NKAIN2: variants seen among roughly 807,000 people sequenced by gnomAD.
NKAIN2 encodes the protein sodium/potassium transporting ATPase interacting 2.
Under a neutral mutation model 32.6 loss-of-function variants are expected in NKAIN2, and 14 were observed. That is an observed-to-expected ratio of 0.43 (90% CI 0.28 to 0.67). The LOEUF (loss-of-function observed/expected upper bound fraction) is 0.67. Among genes scored for constraint, NKAIN2 ranks in the 30% least tolerant of loss-of-function variants. NKAIN2 has a pLI of 0.17. For missense variants in NKAIN2, 198 were observed against 258.3 expected (o/e 0.77, Z 1.60); for synonymous variants, 80 against 87.2 (o/e 0.92, Z 0.46).
At chr6:124,578,303 T>G (rs1194759398) in intron 3 of NKAIN2, among the ~76,000 whole-genome samples, 2 of 151,758 alleles carry the variant, frequency 1.3e-5, no homozygotes, top group Admixed American at 6.6e-5. Flanking sequence ...GGAAAGAATT[T>G]CTGGACCTGC....
chr6:124,216,758 T>C (rs1163989443), intron 1 of NKAIN2, among the ~76,000 whole-genome samples: 1 of 152,166 alleles, frequency 6.6e-6, no homozygotes, highest in Non-Finnish European at 1.5e-5. Flanking sequence ...CTATATTAAA[T>C]AAGGAGTTTT....
intron 3 of NKAIN2, among the ~76,000 whole-genome samples, chr6:124,424,334 C>T (rs915850049): frequency 1.3e-5 from 2 of 152,108 alleles, no homozygotes; most frequent in Admixed American, 6.5e-5. Flanking sequence ...ATGAACTGAT[C>T]ACTCCAATAA....
intron 3 of NKAIN2, among the ~76,000 whole-genome samples, chr6:124,565,260 A>G (rs1325834745): frequency 6.6e-6 from 1 of 152,056 alleles, no homozygotes; most frequent in East Asian, 1.9e-4. Context: ...TAACCTCCCC[A>G]AAGAGATTGG....
chr6:123,887,196 A>C (rs1773762883), intron 1 of NKAIN2, among the ~76,000 whole-genome samples: 1 of 151,836 alleles, frequency 6.6e-6, no homozygotes, highest in Non-Finnish European at 1.5e-5. Context: ...TAGAAGAAGA[A>C]TTGACAGTTC....
intron 3 of NKAIN2, among the ~76,000 whole-genome samples, chr6:124,400,332 T>C (rs1308721218): frequency 1.3e-5 from 2 of 152,138 alleles, no homozygotes. Flanking sequence ...GTGTCAGCAC[T>C]TCAGTGCTCA....
intron 3 of NKAIN2, among the ~76,000 whole-genome samples, chr6:124,476,063 AGAGTGT>A (rs201272660): frequency 0.16 from 17,806 of 114,628 alleles, 1,010 homozygotes; most frequent in East Asian, 0.23. Context: ...AGAGAGAGAG[AGAGTGT>A]GTGTGTGTGT....
intron 1 of NKAIN2, among the ~76,000 whole-genome samples, chr6:124,142,394 T>A (rs1368150382): frequency 6.6e-6 from 1 of 152,226 alleles, no homozygotes; most frequent in African/African-American, 2.4e-5. Context: ...TCAAGTTCTT[T>A]TATTATAATT....
chr6:124,583,205 A>T (rs1473211772), intron 3 of NKAIN2, among the ~76,000 whole-genome samples: 2 of 142,554 alleles, frequency 1.4e-5, no homozygotes, highest in East Asian at 4.2e-4. Context: ...TGATCTTATA[A>T]TTGGTAAAAC....
chr6:124,805,340 C>A (rs1369965257), intron 5 of NKAIN2, among the ~76,000 whole-genome samples: 4 of 152,292 alleles, frequency 2.6e-5, no homozygotes, highest in African/African-American at 7.2e-5. Context: ...TCACAAAAAA[C>A]CACTGTTCTG....
At chr6:124,567,805 A>AT (rs1242063857) in intron 3 of NKAIN2, among the ~76,000 whole-genome samples, 1 of 152,042 alleles carries the variant, frequency 6.6e-6, no homozygotes, top group Admixed American at 6.5e-5. Flanking sequence ...CTTTTTTTTA[A>AT]TTTTTAACAA....
chr6:124,468,165 A>ATAT (rs1436650127), intron 3 of NKAIN2, among the ~76,000 whole-genome samples: 1 of 152,128 alleles, frequency 6.6e-6, no homozygotes, highest in African/African-American at 2.4e-5. Context: ...ACATCTTCCA[A>ATAT]TATTGATAAA....
At chr6:124,337,602 C>T (rs1368767275) in intron 2 of NKAIN2, among the ~76,000 whole-genome samples, 1 of 152,168 alleles carries the variant, frequency 6.6e-6, no homozygotes, top group Non-Finnish European at 1.5e-5. Flanking sequence ...ATCACTGCCT[C>T]CTTGATTTGT....
chr6:124,424,439 A>G (rs1030577331), intron 3 of NKAIN2, among the ~76,000 whole-genome samples: 3 of 135,240 alleles, frequency 2.2e-5, no homozygotes, highest in Admixed American at 7.7e-5. Flanking sequence ...CCATCTTAGC[A>G]AGTTTCAAAC....
At position 124,815,214 on chromosome 6, in the gene NKAIN2, C is replaced by CTATATATA. The variant is rs1200227151; in HGVS notation, c.536-3170_536-3163dup. On this transcript the variant is annotated intron_variant, in intron 5 of 6. Transcript: ENST00000368417. ...TCTGCAAAAAATCCCCAGTCTTAAA[C>CTATATATA]TATATATATACATATATATATATAT... is the stretch of plus-strand genomic sequence containing the variant. Among the ~76,000 whole-genome samples the CTATATATA allele has an allele frequency of 5.1e-4, 35 of 68,786 alleles. 1 individual carries two copies. Among genetic ancestry groups the CTATATATA allele is most frequent in the Non-Finnish European group, 9.4e-4 (29 of 30,838 alleles). 45.1% of individuals were successfully genotyped at this position (68,786 alleles called of 152,430 possible). A position where few individuals can be genotyped will look rare whatever the true frequency, so the allele number is the denominator to read the frequency against.
At chr6:123,922,014 G>A (rs1313295644) in intron 1 of NKAIN2, among the ~76,000 whole-genome samples, 1 of 151,932 alleles carries the variant, frequency 6.6e-6, no homozygotes, top group Non-Finnish European at 1.5e-5. Flanking sequence ...GTATGACTAC[G>A]ATGCTGTGCC....
chr6:124,772,310 G>C (rs868151282), intron 4 of NKAIN2, among the ~76,000 whole-genome samples: 10 of 152,138 alleles, frequency 6.6e-5, no homozygotes, highest in African/African-American at 2.4e-4. Flanking sequence ...TGAGATTCAG[G>C]ATAATCCAAT....
intron 1 of NKAIN2, among the ~76,000 whole-genome samples, chr6:124,137,697 G>T (rs968058105): frequency 6.6e-6 from 1 of 151,994 alleles, no homozygotes. Flanking sequence ...AGAAAACACA[G>T]AAATAAATCC....
chr6:124,438,073 G>A (rs187099235), intron 3 of NKAIN2, among the ~76,000 whole-genome samples: 1 of 152,124 alleles, frequency 6.6e-6, no homozygotes, highest in African/African-American at 2.4e-5. Flanking sequence ...TGATTATCCA[G>A]TGAGTGAAAA....
chr6:123,945,010 AG>A (rs1442958468), intron 1 of NKAIN2, among the ~76,000 whole-genome samples: 1 of 152,120 alleles, frequency 6.6e-6, no homozygotes, highest in Non-Finnish European at 1.5e-5. Flanking sequence ...TTGCAGATAT[AG>A]GAATATTTTA....
Sources: gnomAD v4.1 joint callset for allele counts (sites outside exome capture counted in the v4.1 genomes callset) on GRCh38, gnomAD v4.1.1 for gene constraint, MANE v1.5 for transcripts, NCBI Gene and HGNC (gene_info 2026-07-23, HGNC 2026-07-21) for gene names.